Variants in ZNF131 observed in about 807,000 individuals in gnomAD.
The protein encoded by ZNF131 is zinc finger and BTB domain containing 35, also known as zinc finger protein 131.
A neutral mutation model predicts 60.0 loss-of-function variants in ZNF131; 7 were observed. The observed-to-expected ratio is 0.12, with a 90% confidence interval of 0.07 to 0.22. The LOEUF is 0.22. Ranked by LOEUF, ZNF131 falls within the 10% of genes least tolerant of loss-of-function variation. The probability of loss-of-function intolerance (pLI) is 1.00; values close to 1 mark genes in which losing one functional copy is unlikely to be tolerated. For missense variants in ZNF131, 493 were observed against 740.9 expected (o/e 0.67, Z 3.88); for synonymous variants, 257 against 253.2 (o/e 1.01, Z -0.14).
chr5:43,128,423 G>T (rs1744835528), intron 3 of ZNF131, among the ~76,000 whole-genome samples: 4 of 152,052 alleles, frequency 2.6e-5, no homozygotes. Flanking sequence ...TTGGGAGGCC[G>T]AGCGGGCGGA....
At chr5:43,127,277 C>A (rs1056064865) in intron 3 of ZNF131, among the ~76,000 whole-genome samples, 1 of 152,022 alleles carries the variant, frequency 6.6e-6, no homozygotes, top group African/African-American at 2.4e-5. Context: ...ATATAAATGC[C>A]CAGGTTGTAT....
intron 4 of ZNF131, among the ~76,000 whole-genome samples, chr5:43,152,053 T>C (rs970793768): frequency 3.3e-5 from 5 of 152,130 alleles, no homozygotes; most frequent in African/African-American, 1.2e-4. Flanking sequence ...TCGCCCAGGC[T>C]GGAGTGCAGT....
chr5:43,143,936 T>TC (rs1747214339), intron 4 of ZNF131, among the ~76,000 whole-genome samples: 4 of 109,412 alleles, frequency 3.7e-5, no homozygotes, highest in African/African-American at 1.1e-4. Context: ...TTTTTTTTTT[T>TC]CCTTGAGACG....
rs1751433961 is a variant in ZNF131, at chr5:43,175,057, A to T, written c.1796A>T (p.Glu599Val). The T allele has an allele frequency of 6.2e-7, 1 of 1,614,088 alleles. No individual in the cohort carries two copies. The highest frequency in any genetic ancestry group is 8.5e-7 in the Non-Finnish European group (1 of 1,180,042). Residue 599 changes from glutamate (E) to valine (V), a missense_variant, in exon 7 of 7, where the codon GAG becomes GTG. Transcript: ENST00000682664. ...REDHEDAEDL[E>V]TKPTVDSEAE... ...GATCACGAAGATGCTGAGGATTTAG[A>T]GACCAAGCCAACAGTGGATTCTGAA...
intron 5 of ZNF131, among the ~76,000 whole-genome samples, chr5:43,170,604 A>G (rs1425924523): frequency 1.3e-5 from 2 of 149,618 alleles, no homozygotes; most frequent in South Asian, 2.1e-4. Flanking sequence ...CCAACCCCCA[A>G]CTTACCTGTA....
At chr5:43,131,243 G>A (rs1745314103) in intron 3 of ZNF131, among the ~76,000 whole-genome samples, 2 of 151,788 alleles carry the variant, frequency 1.3e-5, no homozygotes, top group African/African-American at 4.8e-5. Context: ...TGCAATCTCG[G>A]CTCACTGCAA....
chr5:43,161,206 A>G (rs1561435913), intron 4 of ZNF131, 43 bp from the exon 5 acceptor site: 1 of 1,512,528 alleles, frequency 6.6e-7, no homozygotes, highest in Middle Eastern at 1.8e-4. Flanking sequence ...GCCTGGTAGG[A>G]TCTTCTTATA....
chr5:43,136,476 C>CTTTTTTTTTT lies in ZNF131; in HGVS notation c.227-2668_227-2659dup, dbSNP rs70991484. The stretch of plus-strand genomic sequence containing the variant: ...AAAGAACAAAGCTAGAGGCATCATA[C>CTTTTTTTTTT]TTTTTTTTTTTTTTTTTTTTTTTTT... On this transcript the variant is annotated intron_variant, in intron 3 of 6. Coordinates refer to ENST00000682664, the MANE Select transcript of ZNF131 (RefSeq NM_001330707.2). 1.7e-4 allele frequency among the ~76,000 whole-genome samples: 12 copies of CTTTTTTTTTT among 70,058 alleles called. 1 individual carries two copies. Among genetic ancestry groups the CTTTTTTTTTT allele is most frequent in the African/African-American group, 5.5e-4 (10 of 18,302 alleles). 46.0% of individuals were successfully genotyped at this position (70,058 alleles called of 152,430 possible). A position where few individuals can be genotyped will look rare whatever the true frequency, so the allele number is the denominator to read the frequency against.
chr5:43,159,641 GC>G, intron 4 of ZNF131, among the ~76,000 whole-genome samples: 1 of 145,768 alleles, frequency 6.9e-6, no homozygotes, highest in East Asian at 2.1e-4. Flanking sequence ...GTTGCAGTGA[GC>G]CAAGATCGTG....
intron 5 of ZNF131, among the ~76,000 whole-genome samples, chr5:43,172,263 G>A (rs987607697): frequency 6.6e-6 from 1 of 152,178 alleles, no homozygotes; most frequent in African/African-American, 2.4e-5. Context: ...TTCTGCCCTT[G>A]ATTTTTGTTA....
intron 5 of ZNF131, among the ~76,000 whole-genome samples, chr5:43,162,273 C>T (rs1312180662): frequency 2.0e-5 from 3 of 152,146 alleles, no homozygotes; most frequent in South Asian, 2.1e-4. Flanking sequence ...TTTCTTGTGT[C>T]GTGTTACTTA....
intron 4 of ZNF131, among the ~76,000 whole-genome samples, chr5:43,146,600 C>G (rs1009930827): frequency 1.3e-5 from 2 of 151,404 alleles, no homozygotes; most frequent in African/African-American, 4.9e-5. Context: ...GTCTCAACAA[C>G]AATAACAACA....
chr5:43,129,078 TC>T (rs1418416803), intron 3 of ZNF131, among the ~76,000 whole-genome samples: 5 of 151,964 alleles, frequency 3.3e-5, no homozygotes, highest in African/African-American at 4.8e-5. Flanking sequence ...GAATTAAGGC[TC>T]CCACCACCAT....
rs967926370 is a variant in ZNF131 at position 43,161,516 on chromosome 5, G to C, written c.639G>C (p.Leu213=). 6 of 1,614,128 alleles carry C rather than the reference G, an allele frequency of 3.7e-6. No homozygotes were observed. Among genetic ancestry groups the C allele is most frequent in the African/African-American group, 1.3e-5 (1 of 74,946 alleles). The part of the protein sequence containing the change: ...TGSSDDSALA[L]LADITSKYRQ... Reference sequence around the variant, plus strand: ...CCTCTGATGATTCTGCTCTAGCACTGTTGGCAGATATTACCAGCAAGTACC... The same window carrying C: ...CCTCTGATGATTCTGCTCTAGCACTCTTGGCAGATATTACCAGCAAGTACC... The change falls in exon 5 of 7, where the codon CTG becomes CTC. Residue 213 remains leucine, a synonymous_variant. Transcript: ENST00000682664.
intron 4 of ZNF131, among the ~76,000 whole-genome samples, chr5:43,153,255 T>C (rs1481578197): frequency 6.6e-6 from 1 of 152,092 alleles, no homozygotes; most frequent in Non-Finnish European, 1.5e-5. Context: ...TAACCCTGGC[T>C]TTGGCCAGGC....
At chr5:43,139,083 C>A in intron 3 of ZNF131, 82 bp from the exon 4 acceptor site, 1 of 1,188,898 alleles carries the variant, frequency 8.4e-7, no homozygotes, top group Non-Finnish European at 1.1e-6. Context: ...AAGCTCCAAG[C>A]CCTGGGCTTT....
rs183731028 is a variant in ZNF131, at chr5:43,162,631, C to T, written c.1054+700C>T. Among the ~76,000 whole-genome samples, 505 of 149,506 alleles carry T rather than the reference C, an allele frequency of 3.4e-3. 5 individuals are homozygous for T. Among genetic ancestry groups the T allele is most frequent in the African/African-American group, 0.012 (486 of 40,914 alleles). On this transcript the variant is annotated intron_variant, in intron 5 of 6. Transcript: ENST00000682664. ...GAAAAGAAAAAAAAGCGGCCAGGCG[C>T]GGTGGCTCACGCCTGTAATCCCAAC... is the stretch of plus-strand genomic sequence containing the variant.
At chr5:43,165,778 T>C (rs1015405397) in intron 5 of ZNF131, among the ~76,000 whole-genome samples, 1 of 152,228 alleles carries the variant, frequency 6.6e-6, no homozygotes, top group African/African-American at 2.4e-5. Context: ...ATCTGTCCTT[T>C]AAAGCTTTGA....
intron 5 of ZNF131, among the ~76,000 whole-genome samples, chr5:43,163,045 C>G (rs1275409652): frequency 7.6e-6 from 1 of 130,866 alleles, no homozygotes. Context: ...GATCTTGGCT[C>G]ACTGTAACCT....
Sources: gnomAD v4.1 joint callset for allele counts (sites outside exome capture counted in the v4.1 genomes callset) on GRCh38, gnomAD v4.1.1 for gene constraint, MANE v1.5 for transcripts, NCBI Gene and HGNC (gene_info 2026-07-23, HGNC 2026-07-21) for gene names.